Variants in TMEM266 observed in about 807,000 individuals in gnomAD.
TMEM266 encodes the protein Hv1 related protein 1.
Under a neutral mutation model 50.5 loss-of-function variants are expected in TMEM266, and 33 were observed. The ratio of observed to expected loss-of-function variants is 0.65; its 90% CI spans 0.50 to 0.87. TMEM266 has a LOEUF of 0.87. Ranked by LOEUF, TMEM266 falls within the 40% of genes least tolerant of loss-of-function variation. TMEM266 has a pLI of 0.00. For synonymous variants in TMEM266, 310 were observed against 292.3 expected (o/e 1.06, Z -0.62); for missense variants, 655 against 695.1 (o/e 0.94, Z 0.65).
intron 8 of TMEM266, among the ~76,000 whole-genome samples, chr15:76,182,772 C>CTA (rs1266002662): frequency 1.3e-5 from 2 of 152,162 alleles, no homozygotes; most frequent in South Asian, 4.1e-4. Flanking sequence ...AGGCTGGGTA[C>CTA]TATTAATCCC....
intron 8 of TMEM266, among the ~76,000 whole-genome samples, chr15:76,182,724 T>G (rs1332510704): frequency 1.3e-5 from 2 of 152,156 alleles, no homozygotes; most frequent in Non-Finnish European, 2.9e-5. Context: ...TGCACTGTCA[T>G]GTTTTAGCTC....
At chr15:76,202,295 G>A (rs746912813) in intron 10 of TMEM266, 31 bp downstream of exon 10, 5 of 1,584,170 alleles carry the variant, frequency 3.2e-6, no homozygotes, top group Non-Finnish European at 4.3e-6. Context: ...TTCTACATGT[G>A]CCACAACCCC....
At chr15:76,197,081 C>T (rs1410120883) in intron 9 of TMEM266, among the ~76,000 whole-genome samples, 1 of 152,214 alleles carries the variant, frequency 6.6e-6, no homozygotes, top group Non-Finnish European at 1.5e-5. Flanking sequence ...GTGCATGCGG[C>T]CAGCCTGCTC....
At chr15:76,164,840 TG>T (rs112597820) in intron 5 of TMEM266, among the ~76,000 whole-genome samples, 3,425 of 152,262 alleles carry the variant, frequency 0.022, 133 homozygotes, top group African/African-American at 0.079. Flanking sequence ...CCCTTCTCCC[TG>T]GCTGGCGGGC....
At chr15:76,084,470 A>G (rs1460427299) in intron 1 of TMEM266, among the ~76,000 whole-genome samples, 1 of 152,268 alleles carries the variant, frequency 6.6e-6, no homozygotes, top group Non-Finnish European at 1.5e-5. Flanking sequence ...CATGACAGAC[A>G]TGAAGGGAGC....
chr15:76,070,560 A>T (rs2036523814), intron 1 of TMEM266, among the ~76,000 whole-genome samples: 1 of 152,204 alleles, frequency 6.6e-6, no homozygotes, highest in Non-Finnish European at 1.5e-5. Flanking sequence ...TCAGAAAATA[A>T]TGGTGGCTAG....
At position 76,139,399 on chromosome 15, in the gene TMEM266, G is replaced by A. The variant is rs1186708495; in HGVS notation, c.227+1504G>A. Among the ~76,000 whole-genome samples, 1 of 152,252 alleles carries A rather than the reference G, an allele frequency of 6.6e-6. No individual in the cohort carries two copies. Among genetic ancestry groups the A allele is most frequent in the African/African-American group, 2.4e-5 (1 of 41,468 alleles). The stretch of plus-strand genomic sequence containing the variant: ...AGGCAGCTAAGGGACACCTGCAGTG[G>A]CAGCACTGTCCTGAGCTCTGTCAGG... On this transcript the variant is annotated intron_variant, in intron 3 of 10. Coordinates refer to ENST00000388942, the MANE Select transcript of TMEM266 (RefSeq NM_152335.3). The surrounding 1 kb of genome is among the most constrained non-coding windows in gnomAD (Gnocchi z 4.1).
chr15:76,194,005 T>C (rs2038619642), intron 9 of TMEM266, among the ~76,000 whole-genome samples: 1 of 152,120 alleles, frequency 6.6e-6, no homozygotes, highest in African/African-American at 2.4e-5. Context: ...GGCAGAATGT[T>C]GAGGTGGCCA....
rs1455149284 is a variant in TMEM266 at position 76,168,605 on chromosome 15, G to A, written c.457-1211G>A. Among the ~76,000 whole-genome samples, 1 of 152,222 alleles carries A rather than the reference G, an allele frequency of 6.6e-6. No individual in the cohort carries two copies. The highest frequency in any genetic ancestry group is 1.5e-5 in the Non-Finnish European group (1 of 68,046). Reference sequence around the variant, plus strand: ...AAGATGTCCTCTTGGTGAGGAAACCGCTCCTGAAGGCAGCACCATTCGGGA... The same window carrying A: ...AAGATGTCCTCTTGGTGAGGAAACCACTCCTGAAGGCAGCACCATTCGGGA... On this transcript the variant is annotated intron_variant, in intron 5 of 10. Coordinates refer to ENST00000388942, the MANE Select transcript of TMEM266 (RefSeq NM_152335.3). This position sits in a 1 kb window ranked among gnomAD's most constrained non-coding sequence, Gnocchi z 4.4.
At chr15:76,071,491 G>C (rs79123748) in intron 1 of TMEM266, among the ~76,000 whole-genome samples, 4,082 of 152,240 alleles carry the variant, frequency 0.027, 205 homozygotes, top group African/African-American at 0.093. Flanking sequence ...GGAGAGGGCT[G>C]TTTCTTCCCA....
intron 8 of TMEM266, among the ~76,000 whole-genome samples, chr15:76,184,464 CT>C (rs1176802115): frequency 6.6e-6 from 1 of 152,226 alleles, no homozygotes; most frequent in African/African-American, 2.4e-5. Context: ...TAGTTTGCAA[CT>C]GTCTCCTGAT....
intron 1 of TMEM266, among the ~76,000 whole-genome samples, chr15:76,096,865 C>CT (rs1470934421): frequency 4.6e-5 from 7 of 150,936 alleles, no homozygotes; most frequent in African/African-American, 1.2e-4. Context: ...ATGTAATGCC[C>CT]TTTTTTTCTC....
chr15:76,154,551 T>G (rs2142045513), intron 3 of TMEM266, among the ~76,000 whole-genome samples: 1 of 152,150 alleles, frequency 6.6e-6, no homozygotes, highest in East Asian at 1.9e-4. Flanking sequence ...CCTGGCTGAT[T>G]TCCTCATCTC....
In TMEM266 at chr15:76,181,885, A is replaced by G. The variant is rs16967949; in HGVS notation, c.768+6211A>G. Among the ~76,000 whole-genome samples the G allele has an allele frequency of 5.1e-3, 777 of 152,274 alleles. 8 individuals carry two copies. The highest frequency in any genetic ancestry group is 0.017 in the African/African-American group (718 of 41,544). ...AAGTCTCCGTTACACCCGCTCTTTC[A>G]TGTTTAAGCCTGGTAACAGCTTTTG... is the stretch of plus-strand genomic sequence containing the variant. On this transcript the variant is annotated intron_variant, in intron 8 of 10. Coordinates refer to ENST00000388942, the MANE Select transcript of TMEM266 (RefSeq NM_152335.3).
chr15:76,141,837 G>A (rs1394465469), intron 3 of TMEM266, among the ~76,000 whole-genome samples: 1 of 152,184 alleles, frequency 6.6e-6, no homozygotes, highest in Admixed American at 6.5e-5. Flanking sequence ...AAATCATGCA[G>A]TATTTGTCCT....
At chr15:76,105,930 A>C (rs1247572616) in intron 1 of TMEM266, among the ~76,000 whole-genome samples, 2 of 152,218 alleles carry the variant, frequency 1.3e-5, no homozygotes, top group Non-Finnish European at 2.9e-5. Flanking sequence ...TGTACAGGGA[A>C]GGTTTTCATA....
At chr15:76,103,138 A>C (rs1277547764) in intron 1 of TMEM266, among the ~76,000 whole-genome samples, 1 of 152,126 alleles carries the variant, frequency 6.6e-6, no homozygotes, top group East Asian at 1.9e-4. Context: ...GGTGGTGAGC[A>C]GTGGTACAAT....
At chr15:76,069,420 A>G (rs1251517170) in intron 1 of TMEM266, among the ~76,000 whole-genome samples, 1 of 152,224 alleles carries the variant, frequency 6.6e-6, no homozygotes, top group Non-Finnish European at 1.5e-5. Flanking sequence ...ATGAGTTTGC[A>G]TAGTAAGAGG....
chr15:76,137,488 C>T (rs1314371452), intron 2 of TMEM266, among the ~76,000 whole-genome samples: 1 of 152,098 alleles, frequency 6.6e-6, no homozygotes, highest in African/African-American at 2.4e-5. Context: ...TTCCTCTTCC[C>T]ATTCTCCCAC....
Sources: allele counts gnomAD v4.1 joint callset (sites outside exome capture counted in the v4.1 genomes callset), GRCh38; gene constraint gnomAD v4.1.1; non-coding constraint Gnocchi (gnomAD v3.1); transcripts MANE v1.5; gene names NCBI Gene and HGNC (gene_info 2026-07-23, HGNC 2026-07-21).